The following CRIM1 variants were observed in gnomAD, a reference collection of about 807,000 sequenced individuals.
The protein encoded by CRIM1 is cysteine-rich motor neuron 1 protein.
Under a neutral mutation model 116.4 loss-of-function variants are expected in CRIM1, and 32 were observed. The observed-to-expected ratio is 0.27, with a 90% confidence interval of 0.21 to 0.37. The LOEUF is 0.37. Ranked by LOEUF, CRIM1 falls within the 10% of genes least tolerant of loss-of-function variation. CRIM1 has a pLI of 1.00. For synonymous variants in CRIM1, 590 were observed against 509.2 expected, an observed-to-expected ratio of 1.16 and a Z score of -2.13; for missense variants, 1,331 against 1,354.8, an observed-to-expected ratio of 0.98 and a Z score of 0.28.
At position 36,356,760 on chromosome 2, in the gene CRIM1, G is replaced by T. The variant is rs1002049748; in HGVS notation, c.331+137G>T. On this transcript the variant is annotated intron_variant, in intron 1 of 16. Transcript: ENST00000280527. The surrounding 1 kb of genome is among the most constrained non-coding windows in gnomAD (Gnocchi z 4.3). The stretch of plus-strand genomic sequence containing the variant: ...GGAAGAGGGGCGGCCGCCGCCCCCA[G>T]GAGAGTGCCCCCGCGGCCCTGCGTT... The T allele has an allele frequency of 3.8e-5, 31 of 810,878 alleles. No individual in the cohort carries two copies. The highest frequency in any genetic ancestry group is 5.1e-5 in the Non-Finnish European group (27 of 528,680). The allele number at this position is 810,878 out of a possible 1,614,324, so 50.2% of individuals were successfully genotyped here.
At chr2:36,401,509 C>T (rs1469107828) in intron 2 of CRIM1, among the ~76,000 whole-genome samples, 1 of 152,166 alleles carries the variant, frequency 6.6e-6, no homozygotes, top group Non-Finnish European at 1.5e-5. Context: ...AATTAGTGCA[C>T]CATGGGCACA....
chr2:36,489,578 G>A (rs1051127310), intron 7 of CRIM1, among the ~76,000 whole-genome samples: 5 of 152,162 alleles, frequency 3.3e-5, no homozygotes, highest in African/African-American at 1.2e-4. Context: ...TACAATTCTT[G>A]TTATGAAAGT....
intron 6 of CRIM1, among the ~76,000 whole-genome samples, chr2:36,479,221 CA>C (rs1679216596): frequency 6.6e-6 from 1 of 152,232 alleles, no homozygotes; most frequent in Non-Finnish European, 1.5e-5. Context: ...CAAAGCTTTC[CA>C]ACTTTACAGA....
intron 2 of CRIM1, among the ~76,000 whole-genome samples, chr2:36,427,366 C>G (rs565931159): frequency 6.6e-6 from 1 of 152,254 alleles, no homozygotes; most frequent in East Asian, 1.9e-4. Context: ...TTTCAGCCAT[C>G]AGCAGGAGAT....
At chr2:36,487,575 G>T (rs993274509) in intron 7 of CRIM1, among the ~76,000 whole-genome samples, 8 of 142,138 alleles carry the variant, frequency 5.6e-5, no homozygotes, top group Admixed American at 2.1e-4. Flanking sequence ...AAAAAAAAAG[G>T]TGGCCGATCT....
intron 8 of CRIM1, among the ~76,000 whole-genome samples, chr2:36,505,122 A>G (rs550966584): frequency 7.4e-4 from 112 of 152,312 alleles, no homozygotes; most frequent in Middle Eastern, 6.8e-3. Flanking sequence ...ACTAACACCT[A>G]TCAGGGTCAA....
chr2:36,533,684 T>C lies in CRIM1; in HGVS notation c.2429-3668T>C, dbSNP rs78399919. On this transcript the variant is annotated intron_variant, in intron 13 of 16. Coordinates refer to ENST00000280527, the MANE Select transcript of CRIM1 (RefSeq NM_016441.3). Reference sequence around the variant, plus strand: ...TCTCATAATATCATTTTATAAATATTCTTTTAGACAGTGATCTCATACAGT... The same window carrying C: ...TCTCATAATATCATTTTATAAATATCCTTTTAGACAGTGATCTCATACAGT... 3.9e-5 allele frequency among the ~76,000 whole-genome samples: 6 copies of C among 152,350 alleles called. No homozygotes were observed. The East Asian group carries it at 1.2e-3, about 29-fold the overall frequency.
chr2:36,489,957 G>C (rs1572856643), intron 7 of CRIM1, among the ~76,000 whole-genome samples: 1 of 152,182 alleles, frequency 6.6e-6, no homozygotes, highest in East Asian at 1.9e-4. Flanking sequence ...AAATGTGAAA[G>C]GCGTCACTGG....
chr2:36,461,934 C>G (rs1677611240), intron 4 of CRIM1, among the ~76,000 whole-genome samples: 1 of 152,148 alleles, frequency 6.6e-6, no homozygotes, highest in African/African-American at 2.4e-5. Context: ...CTTTCATCAG[C>G]TCTTTCTTGA....
intron 2 of CRIM1, among the ~76,000 whole-genome samples, chr2:36,404,760 A>G (rs577056474): frequency 6.6e-6 from 1 of 152,166 alleles, no homozygotes; most frequent in African/African-American, 2.4e-5. Context: ...ACTAATTTTT[A>G]CACAAAGACT....
intron 7 of CRIM1, among the ~76,000 whole-genome samples, chr2:36,494,936 C>T (rs1680474383): frequency 1.3e-5 from 2 of 152,040 alleles, no homozygotes; most frequent in African/African-American, 4.8e-5. Flanking sequence ...CACTGAATTT[C>T]CCCTCTCCAA....
In CRIM1 at chr2:36,417,375, T is replaced by A. The variant is rs965212175; in HGVS notation, c.505+20588T>A. ...TTCCAGCAATATTAACATATTTCAA[T>A]TTTTTACTCACCTGTTTACCAATTT... On this transcript the variant is annotated intron_variant, in intron 2 of 16. Transcript: ENST00000280527. Among the ~76,000 whole-genome samples, 4 of 152,206 alleles carry A rather than the reference T, an allele frequency of 2.6e-5. No homozygotes were observed. In the East Asian group the frequency reaches 7.7e-4, roughly 29 times the overall value.
chr2:36,441,261 A>G lies in CRIM1; in HGVS notation c.509A>G (p.Glu170Gly). The change falls in exon 3 of 17, where the codon GAG (glutamate) becomes GGG (glycine). Residue 170 changes from glutamate to glycine, a missense_variant. Physicochemically the swap from Glu to Gly is moderately conservative, Grantham distance 98. Around this residue, in one of 3 missense-constraint regions of CRIM1, gnomAD observed 690 missense variants for 676.0 expected, o/e 1.02. Coordinates refer to ENST00000280527, the MANE Select transcript of CRIM1 (RefSeq NM_016441.3). ...AAATTCTTTCTCTCCCTTTTAGAAG[A>G]GAAGCCAGATTGCTCCAAGGCCCGC... is the stretch of plus-strand genomic sequence containing the variant. ...CLSALKRIEEEKPDCSKARCE... is the reference protein window; with the variant it reads ...CLSALKRIEEGKPDCSKARCE... 6.2e-7 allele frequency: 1 copy of G among 1,614,174 alleles called. No homozygotes were observed. The highest frequency in any genetic ancestry group is 1.1e-5 in the South Asian group (1 of 91,076).
intron 6 of CRIM1, 42 bp downstream of exon 6, chr2:36,477,113 G>T: frequency 6.9e-7 from 1 of 1,440,164 alleles, no homozygotes; most frequent in Non-Finnish European, 9.4e-7. Context: ...GAGCATACAT[G>T]GTATAGAGTT....
intron 2 of CRIM1, among the ~76,000 whole-genome samples, chr2:36,433,341 A>G (rs1387947232): frequency 6.6e-6 from 1 of 152,198 alleles, no homozygotes; most frequent in African/African-American, 2.4e-5. Flanking sequence ...TCGTTTGGGA[A>G]GAAAAGATGT....
At chr2:36,392,204 A>G (rs1671669765) in intron 1 of CRIM1, among the ~76,000 whole-genome samples, 1 of 152,246 alleles carries the variant, frequency 6.6e-6, no homozygotes. Flanking sequence ...AATATTGGAC[A>G]TATTTGAACA....
At position 36,534,710 on chromosome 2, in the gene CRIM1, C is replaced by T. The variant is rs374080110; in HGVS notation, c.2429-2642C>T. On this transcript the variant is annotated intron_variant, in intron 13 of 16. Transcript: ENST00000280527. Reference sequence around the variant, plus strand: ...AAGACAGGAAGAAGGAAAAGGAAGACAGGAAGAAGGAAAAGGAAGATGGAA... The same window carrying T: ...AAGACAGGAAGAAGGAAAAGGAAGATAGGAAGAAGGAAAAGGAAGATGGAA... Among the ~76,000 whole-genome samples the T allele has an allele frequency of 1.6e-4, 21 of 133,462 alleles. No homozygotes were observed. In the East Asian group the frequency reaches 4.3e-3, roughly 27 times the overall value. The allele number at this position is 133,462 out of a possible 152,430, so 87.6% of individuals were successfully genotyped here. A position where few individuals can be genotyped will look rare whatever the true frequency, so the allele number is the denominator to read the frequency against.
intron 1 of CRIM1, among the ~76,000 whole-genome samples, chr2:36,384,488 A>G (rs561174153): frequency 6.6e-6 from 1 of 152,346 alleles, no homozygotes; most frequent in East Asian, 1.9e-4. Flanking sequence ...AAGATACTAC[A>G]CAAAGGAAAC....
At chr2:36,479,022 A>G (rs752659007) in intron 6 of CRIM1, among the ~76,000 whole-genome samples, 3 of 152,146 alleles carry the variant, frequency 2.0e-5, no homozygotes, top group Non-Finnish European at 4.4e-5. Context: ...TGTTGCCCAC[A>G]TGGTCGTGCA....
Sources: allele counts gnomAD v4.1 joint callset (sites outside exome capture counted in the v4.1 genomes callset), GRCh38; gene constraint gnomAD v4.1.1; regional missense constraint gnomAD v4.1.1; non-coding constraint Gnocchi (gnomAD v3.1); transcripts MANE v1.5; gene names NCBI Gene and HGNC (gene_info 2026-07-23, HGNC 2026-07-21).